The following VBP1 variants were observed in gnomAD, a reference collection of about 807,000 sequenced individuals.
VBP1 encodes the protein prefoldin subunit 3.
Under a neutral mutation model 15.5 loss-of-function variants are expected in VBP1, and 4 were observed. The observed-to-expected ratio is 0.26, with a 90% CI of 0.13 to 0.59. VBP1 has a LOEUF of 0.59. VBP1 is among the 20% of genes least tolerant of loss of function. The pLI, the probability that VBP1 is intolerant of heterozygous loss-of-function variation, is 0.90. For synonymous variants in VBP1, 61 were observed against 52.1 expected (o/e 1.17, Z -0.74); for missense variants, 108 against 139.6 (o/e 0.77, Z 1.14).
At chrX:155,211,579 G>A (rs781934180), upstream of VBP1, among the ~76,000 whole-genome samples, 8 of 111,911 alleles carry the variant, frequency 7.1e-5, no homozygotes, top group African/African-American at 2.6e-4. Context: ...AAAAGAGTTG[G>A]TCGTATTTTT....
At chrX:155,231,486 G>C (rs782114210) in intron 4 of VBP1, among the ~76,000 whole-genome samples, 1 of 112,188 alleles carries the variant, frequency 8.9e-6, no homozygotes, top group Non-Finnish European at 1.9e-5. Context: ...TTATTGATTG[G>C]TGTATTTACC....
intron 1 of VBP1, among the ~76,000 whole-genome samples, chrX:155,204,656 G>A (rs1467732750): frequency 1.8e-5 from 2 of 111,997 alleles, no homozygotes; most frequent in African/African-American, 6.5e-5. Flanking sequence ...CCTGGAAATG[G>A]GGATGAAAAG....
Position 155,220,324 on chromosome X carries a change from C to CT in VBP1, c.218+18dup. The stretch of plus-strand genomic sequence containing the variant: ...GAAAAGAAGGTAAGTGTAAAAATTT[C>CT]TAAGTTTTGAAAATCTTATATGACT... On this transcript the variant is annotated intron_variant, in intron 2 of 5. Transcript: ENST00000286428. The CT allele has an allele frequency of 8.8e-7, 1 of 1,133,440 alleles. No individual in the cohort carries two copies. Among genetic ancestry groups the CT allele is most frequent in the Non-Finnish European group, 1.2e-6 (1 of 857,873 alleles). 93.4% of individuals were successfully genotyped at this position (1,133,440 alleles called of 1,213,427 possible). A position where few individuals can be genotyped will look rare whatever the true frequency, so the allele number is the denominator to read the frequency against.
exon 2 of VBP1, chrX:155,208,974 A>G: frequency 8.7e-7 from 1 of 1,154,491 alleles, no homozygotes; most frequent in Non-Finnish European, 1.1e-6. Flanking sequence ...CCATCCCCAG[A>G]GCATCAGGTA....
At chrX:155,219,049 C>CT (rs1195316996) in intron 1 of VBP1, among the ~76,000 whole-genome samples, 1 of 112,249 alleles carries the variant, frequency 8.9e-6, no homozygotes, top group Non-Finnish European at 1.9e-5. Context: ...CATTATCTCT[C>CT]AGCCTCACCT....
rs180975406 is a variant in VBP1 at position 155,209,531 on chromosome X, G to A, written c.78+550G>A. On this transcript the variant is annotated intron_variant, in intron 2 of 6. Coordinates refer to the VBP1 transcript ENST00000535916. ...AGATTTCAAATAGTAGATGTATAGC[G>A]GATAGAAGAAGTTTGGCATTACAGG... 1.7e-3 allele frequency among the ~76,000 whole-genome samples: 188 copies of A among 112,216 alleles called. 1 individual carries two copies. Among genetic ancestry groups the A allele is most frequent in the African/African-American group, 5.8e-3 (179 of 30,939 alleles).
chrX:155,213,087 G>C (rs1557308649), upstream of VBP1: 1 of 112,058 alleles, frequency 8.9e-6, no homozygotes, highest in Non-Finnish European at 1.9e-5. Context: ...ATAGCCCCAA[G>C]AGGCTGGGGT....
chrX:155,199,705 G>A (rs1166793073), intron 1 of VBP1, among the ~76,000 whole-genome samples: 2 of 111,644 alleles, frequency 1.8e-5, no homozygotes, highest in Non-Finnish European at 3.8e-5. Context: ...ATCAACTAAC[G>A]AGCAAAATAA....
upstream of VBP1, among the ~76,000 whole-genome samples, chrX:155,215,526 T>G (rs1312352108): frequency 8.9e-6 from 1 of 112,351 alleles, no homozygotes; most frequent in Non-Finnish European, 1.9e-5. Context: ...AATTTCTTCC[T>G]CATATTATAT....
intron 3 of VBP1, 108 bp from the exon 4 acceptor site, chrX:155,228,276 A>T (rs1041187681): frequency 3.5e-4 from 206 of 592,207 alleles, no homozygotes; most frequent in Non-Finnish European, 5.2e-4. Context: ...AGCCTGCATG[A>T]TGGTACTGTT....
At chrX:155,228,306 C>A in intron 3 of VBP1, 78 bp from the exon 4 acceptor site, 1 of 764,431 alleles carries the variant, frequency 1.3e-6, no homozygotes, top group Non-Finnish European at 1.9e-6. Flanking sequence ...CTAGGTTCAA[C>A]TGTGCAATCT....
At chrX:155,230,072 A>T (rs1378361093) in intron 4 of VBP1, among the ~76,000 whole-genome samples, 2 of 111,578 alleles carry the variant, frequency 1.8e-5, no homozygotes, top group African/African-American at 6.5e-5. Flanking sequence ...ACTGAAATGG[A>T]CTGTCTCATG....
At chrX:155,224,233 T>G (rs1320980441) in intron 2 of VBP1, among the ~76,000 whole-genome samples, 2 of 112,602 alleles carry the variant, frequency 1.8e-5, no homozygotes, top group Non-Finnish European at 3.8e-5. Flanking sequence ...CTCGGCACTT[T>G]GGGAGGCCAA....
intron 4 of VBP1, among the ~76,000 whole-genome samples, 187 bp from the exon 5 acceptor site, chrX:155,236,042 A>G (rs971962454): frequency 1.5e-4 from 17 of 112,373 alleles, no homozygotes; most frequent in African/African-American, 5.2e-4. Context: ...CTCTGTCTCA[A>G]CCACTCAGTT....
chrX:155,229,467 G>T (rs1284357598), intron 4 of VBP1, among the ~76,000 whole-genome samples: 1 of 111,613 alleles, frequency 9.0e-6, no homozygotes, highest in African/African-American at 3.3e-5. Context: ...TATCTTTTGG[G>T]AATAATAAAT....
chrX:155,200,954 A>G (rs1557307344), intron 1 of VBP1, among the ~76,000 whole-genome samples: 2 of 110,958 alleles, frequency 1.8e-5, no homozygotes, highest in African/African-American at 6.5e-5. Flanking sequence ...CAGAAATACA[A>G]ACTACCATCA....
At chrX:155,213,342 T>G (rs1557308681), upstream of VBP1, 1 of 111,930 alleles carries the variant, frequency 8.9e-6, no homozygotes, top group Non-Finnish European at 1.9e-5. Flanking sequence ...AGGAGACACA[T>G]TCCCCCAGCC....
chrX:155,201,022 A>C (rs2074601093), intron 1 of VBP1, among the ~76,000 whole-genome samples: 2 of 111,832 alleles, frequency 1.8e-5, no homozygotes, highest in South Asian at 7.5e-4. Flanking sequence ...GAAATGGATA[A>C]ATTCCTCGAC....
intron 4 of VBP1, among the ~76,000 whole-genome samples, chrX:155,230,022 A>T (rs782708272): frequency 1.2e-4 from 13 of 111,350 alleles, no homozygotes; most frequent in Non-Finnish European, 2.3e-4. Flanking sequence ...GTTTTTAGGG[A>T]TGCCATAATA....
Sources: gnomAD v4.1 joint callset for allele counts (sites outside exome capture counted in the v4.1 genomes callset) on GRCh38, gnomAD v4.1.1 for gene constraint, MANE v1.5 for transcripts, NCBI Gene and HGNC (gene_info 2026-07-23, HGNC 2026-07-21) for gene names.